The following GHRHR variants were observed in gnomAD, a reference collection of about 807,000 sequenced individuals.
GHRHR encodes growth hormone releasing hormone receptor, also known as growth hormone-releasing hormone receptor.
GHRHR carries 40 observed loss-of-function variants against 58.3 expected under a neutral mutation model. The observed-to-expected ratio is 0.69, with a 90% confidence interval of 0.53 to 0.89. GHRHR has a LOEUF of 0.89. GHRHR is among the 40% of genes least tolerant of loss of function. The pLI is 0.00. For missense variants in GHRHR, 551 were observed against 541.3 expected, an observed-to-expected ratio of 1.02 and a Z score of -0.18; for synonymous variants, 249 against 216.6, an observed-to-expected ratio of 1.15 and a Z score of -1.31.
At chr7:30,964,977 C>G (rs1476025764) in intron 1 of GHRHR, among the ~76,000 whole-genome samples, 1 of 152,186 alleles carries the variant, frequency 6.6e-6, no homozygotes, top group Non-Finnish European at 1.5e-5. Flanking sequence ...GCACCTGCTC[C>G]TGAGTGCACA....
At chr7:30,965,387 C>G (rs1792326658) in intron 1 of GHRHR, among the ~76,000 whole-genome samples, 1 of 148,400 alleles carries the variant, frequency 6.7e-6, no homozygotes, top group Non-Finnish European at 1.5e-5. Flanking sequence ...GCGATGGAGC[C>G]TCCCCTCAGG....
At chr7:30,964,209 A>C in intron 1 of GHRHR, 84 bp downstream of exon 1, 1 of 1,214,156 alleles carries the variant, frequency 8.2e-7, no homozygotes. Context: ...CCTGGCGGAG[A>C]CCCTACTGCC....
At chr7:30,979,008 C>T (rs11762765) in intron 12 of GHRHR, 111 bp from the exon 13 acceptor site, 66 of 1,020,468 alleles carry the variant, frequency 6.5e-5, no homozygotes, top group Non-Finnish European at 9.9e-5. Flanking sequence ...CTTTTCCTGC[C>T]CCATGTCTCT....
At chr7:30,969,671 C>A (rs1473437217) in intron 3 of GHRHR, 196 bp from the exon 4 acceptor site, 6 of 650,088 alleles carry the variant, frequency 9.2e-6, no homozygotes, top group African/African-American at 9.0e-5. Context: ...CCTTTGAAGC[C>A]AGAGAAGGAA....
rs147673583 is a variant in GHRHR, at chr7:30,970,279, C to T, written c.366+315C>T. Among the ~76,000 whole-genome samples the T allele has an allele frequency of 2.5e-3, 386 of 152,264 alleles. 1 individual carries two copies. Among genetic ancestry groups the T allele is most frequent in the Non-Finnish European group, 4.3e-3 (294 of 68,024 alleles). ...AAGTGGTTCCAGAGGAAACAAGGCTCCTAGCAGCCCTGGGAAGCTCCTTTC... is the reference window on the plus strand; with the variant it reads ...AAGTGGTTCCAGAGGAAACAAGGCTTCTAGCAGCCCTGGGAAGCTCCTTTC... On this transcript the variant is annotated intron_variant, in intron 4 of 12. Coordinates refer to ENST00000326139, the MANE Select transcript of GHRHR (RefSeq NM_000823.4).
intron 3 of GHRHR, 118 bp from the exon 4 acceptor site, chr7:30,969,749 G>A: frequency 1.0e-6 from 1 of 954,476 alleles, no homozygotes; most frequent in Non-Finnish European, 1.7e-6. Flanking sequence ...CCTCTCTGTT[G>A]CTCAGAGGAG....
In GHRHR at chr7:30,968,709, G is replaced by A. The variant is rs1792410816; in HGVS notation, c.58-125G>A. On this transcript the variant is annotated intron_variant, in intron 1 of 12. Coordinates refer to ENST00000326139, the MANE Select transcript of GHRHR (RefSeq NM_000823.4). ...ACACACCTGAAACTACTGTGAGCAG[G>A]TCTTTGCCTAGGATTAGGGCACAGA... 3 of 565,394 alleles carry A rather than the reference G, an allele frequency of 5.3e-6. No homozygotes were observed. In the East Asian group the frequency reaches 1.2e-4, roughly 23 times the overall value. 35.0% of individuals were successfully genotyped at this position (565,394 alleles called of 1,614,324 possible). A position where few individuals can be genotyped will look rare whatever the true frequency, so the allele number is the denominator to read the frequency against.
At chr7:30,968,228 A>G (rs1285287980) in intron 1 of GHRHR, among the ~76,000 whole-genome samples, 5 of 152,152 alleles carry the variant, frequency 3.3e-5, no homozygotes, top group Admixed American at 6.5e-5. Flanking sequence ...GGTTCCACAG[A>G]TTAGGATGTG....
chr7:30,979,335 C>T lies in GHRHR; in HGVS notation c.*91C>T. On this transcript the variant is annotated 3_prime_UTR_variant, in exon 13 of 13. Transcript: ENST00000326139. The stretch of plus-strand genomic sequence containing the variant: ...CTGGAGGAGCAAGGGGGCCACATCC[C>T]CACCCCAGCTGTTACCCAGCCCGGG... 1 of 1,341,518 alleles carries T rather than the reference C, an allele frequency of 7.5e-7. No individual in the cohort carries two copies. Among genetic ancestry groups the T allele is most frequent in the South Asian group, 1.2e-5 (1 of 82,380 alleles). The allele number at this position is 1,341,518 out of a possible 1,614,324, so 83.1% of individuals were successfully genotyped here.
At chr7:30,972,301 C>T (rs1009040288) in intron 6 of GHRHR, among the ~76,000 whole-genome samples, 2 of 152,202 alleles carry the variant, frequency 1.3e-5, no homozygotes, top group Non-Finnish European at 2.9e-5. Flanking sequence ...CGATCCATGT[C>T]ATTTCCCATA....
chr7:30,977,104 C>T lies in GHRHR; in HGVS notation c.1105-177C>T, dbSNP rs1198597828. On this transcript the variant is annotated intron_variant, in intron 11 of 12. Coordinates refer to ENST00000326139, the MANE Select transcript of GHRHR (RefSeq NM_000823.4). The stretch of plus-strand genomic sequence containing the variant: ...CCCTGGCAGGCTTGCTATGACAATT[C>T]TATGACAATATGCCTGGCACATAGT... 3.9e-5 allele frequency among the ~76,000 whole-genome samples: 6 copies of T among 152,190 alleles called. No individual in the cohort carries two copies. In the East Asian group the frequency reaches 1.2e-3, roughly 29 times the overall value.
rs991468423 is a variant in GHRHR at position 30,979,376 on chromosome 7, C to T, written c.*132C>T. ...CCAGCCCGGGGCAGGTGCAGCCCTT[C>T]CTCCCTGTCTCTGCATCTGACTCTC... On this transcript the variant is annotated 3_prime_UTR_variant, in exon 13 of 13. Transcript: ENST00000326139. 30 of 829,294 alleles carry T rather than the reference C, an allele frequency of 3.6e-5. No individual in the cohort carries two copies. Among genetic ancestry groups the T allele is most frequent in the Non-Finnish European group, 3.8e-5 (19 of 506,600 alleles). The allele number at this position is 829,294 out of a possible 1,614,324, so 51.4% of individuals were successfully genotyped here.
intron 12 of GHRHR, among the ~76,000 whole-genome samples, chr7:30,978,028 C>T (rs1362523271): frequency 6.6e-6 from 1 of 152,200 alleles, no homozygotes; most frequent in African/African-American, 2.4e-5. Flanking sequence ...CCCGGACTCC[C>T]AAGTTCCACC....
Position 30,978,998 on chromosome 7 carries a change from C to T in GHRHR, c.1147-121C>T, listed in dbSNP as rs1792637132. ...TAGCAGTACCTGTTGCCAAGCATGA[C>T]TTTTCCTGCCCCATGTCTCTGTTTC... On this transcript the variant is annotated intron_variant, in intron 12 of 12. Coordinates refer to ENST00000326139, the MANE Select transcript of GHRHR (RefSeq NM_000823.4). The T allele has an allele frequency of 4.2e-6, 4 of 953,744 alleles. No homozygotes were observed. The Admixed American group carries it at 6.8e-5, about 16-fold the overall frequency. 59.1% of individuals were successfully genotyped at this position (953,744 alleles called of 1,614,324 possible). A position where few individuals can be genotyped will look rare whatever the true frequency, so the allele number is the denominator to read the frequency against.
At chr7:30,972,244 TC>T in intron 6 of GHRHR, 149 bp downstream of exon 6, 1 of 768,198 alleles carries the variant, frequency 1.3e-6, no homozygotes. Context: ...AATGCTCCTT[TC>T]CCATGTCACC....
At chr7:30,976,666 C>T in intron 11 of GHRHR, 108 bp downstream of exon 11, 1 of 909,092 alleles carries the variant, frequency 1.1e-6, no homozygotes, top group Non-Finnish European at 1.7e-6. Flanking sequence ...CTATGTTTTT[C>T]ATCCATCTAT....
chr7:30,965,824 CAT>C (rs765756733), intron 1 of GHRHR, among the ~76,000 whole-genome samples: 1 of 152,232 alleles, frequency 6.6e-6, no homozygotes, highest in Non-Finnish European at 1.5e-5. Flanking sequence ...GAGAAAGTCC[CAT>C]ACAGGCCCAT....
intron 8 of GHRHR, 59 bp from the exon 9 acceptor site, chr7:30,974,912 C>G (rs1792546881): frequency 6.5e-6 from 7 of 1,075,120 alleles, no homozygotes; most frequent in Middle Eastern, 4.0e-4. Flanking sequence ...GAGGGAGGTG[C>G]CTGCGTCACC....
chr7:30,973,975 T>C lies in GHRHR; in HGVS notation c.598-10T>C, dbSNP rs35609199. 0.047 allele frequency: 75,491 copies of C among 1,612,620 alleles called. 4,343 individuals carry two copies. Among genetic ancestry groups the C allele is most frequent in the African/African-American group, 0.28 (20,830 of 74,796 alleles). On this transcript the variant is annotated splice_polypyrimidine_tract_variant and intron_variant, in intron 6 of 12. Coordinates refer to ENST00000326139, the MANE Select transcript of GHRHR (RefSeq NM_000823.4). ...TCCCAGCTCTGAAGCACCCAGGTCCTGGCCCCCAGGTTCTATGCAAGGTCT... is the reference window on the plus strand; with the variant it reads ...TCCCAGCTCTGAAGCACCCAGGTCCCGGCCCCCAGGTTCTATGCAAGGTCT...
Sources: allele counts gnomAD v4.1 joint callset (sites outside exome capture counted in the v4.1 genomes callset), GRCh38; gene constraint gnomAD v4.1.1; transcripts MANE v1.5; gene names NCBI Gene and HGNC (gene_info 2026-07-23, HGNC 2026-07-21).